USP42: variants seen among roughly 807,000 people sequenced by gnomAD.
The protein encoded by USP42 is ubiquitin specific peptidase 42.
In USP42, 23 loss-of-function variants were observed where a neutral mutation model predicts 113.0. The observed-to-expected ratio is 0.20, with a 90% CI of 0.15 to 0.29. The LOEUF is 0.29. Ranked by LOEUF, USP42 falls within the 10% of genes least tolerant of loss-of-function variation. USP42 has a pLI of 1.00. For missense variants in USP42, 2,174 were observed against 1,779.8 expected (o/e 1.22, Z -3.99); for synonymous variants, 933 against 699.0 (o/e 1.33, Z -5.28).
intron 7 of USP42, among the ~76,000 whole-genome samples, chr7:6,141,397 G>A (rs1394516641): frequency 6.6e-6 from 1 of 151,506 alleles, no homozygotes; most frequent in Non-Finnish European, 1.5e-5. Context: ...TAGAGATGGG[G>A]TTTCACCTAT....
chr7:6,118,387 C>T (rs1177935011), intron 3 of USP42, among the ~76,000 whole-genome samples: 9 of 151,934 alleles, frequency 5.9e-5, no homozygotes, highest in African/African-American at 9.7e-5. Flanking sequence ...CTGGGCTTGG[C>T]GGTGTGCGCC....
At chr7:6,155,655 C>T (rs565850290) in intron 15 of USP42, among the ~76,000 whole-genome samples, 4 of 152,322 alleles carry the variant, frequency 2.6e-5, no homozygotes, top group South Asian at 2.1e-4. Context: ...TTTTCCTGTG[C>T]CTGCCCGCCT....
rs1271762223 is a variant in USP42, at chr7:6,149,862, T to C, written c.1666T>C (p.Ser556Pro). The change falls in exon 13 of 18, where the codon TCT becomes CCT. Residue 556 changes from serine to proline, a missense_variant. By Grantham distance (74) the Ser-to-Pro change is moderately conservative. Coordinates refer to ENST00000306177, the MANE Select transcript of USP42 (RefSeq NM_032172.3). The stretch of plus-strand genomic sequence containing the variant: ...GAACCCTACCAAGCCCGTTCCCTCT[T>C]CTACCATTACCAATTCTGCAGTACA... ...LENPTKPVPS[S>P]TITNSAVQST... The C allele has an allele frequency of 1.2e-6, 2 of 1,614,042 alleles. No individual in the cohort carries two copies. The highest frequency in any genetic ancestry group is 4.5e-5 in the East Asian group (2 of 44,892).
intron 3 of USP42, chr7:6,116,662 G>C: frequency 2.3e-6 from 1 of 442,768 alleles, no homozygotes; most frequent in Non-Finnish European, 4.3e-6. Flanking sequence ...AGTAATGCTT[G>C]TAAAGAATTT....
intron 8 of USP42, 38 bp downstream of exon 8, chr7:6,143,052 C>T (rs765712996): frequency 1.2e-6 from 2 of 1,605,094 alleles, no homozygotes. Context: ...ATGCCGGCTT[C>T]TCCAGTGGGG....
chr7:6,107,854 A>C (rs1779378067), intron 1 of USP42, among the ~76,000 whole-genome samples: 2 of 152,256 alleles, frequency 1.3e-5, no homozygotes, highest in Middle Eastern at 3.4e-3. Context: ...GCTACCTTTG[A>C]TTGATTTAAA....
At chr7:6,089,559 G>T in the USP42 span, among the ~76,000 whole-genome samples, 1,605 of 145,516 alleles carry the variant, frequency 0.011, 25 homozygotes, top group Non-Finnish European at 0.016. Context: ...TTGAGATGGA[G>T]TCTCACCCTG....
intron 1 of USP42, among the ~76,000 whole-genome samples, chr7:6,106,166 A>G (rs952119956): frequency 2.6e-5 from 4 of 152,224 alleles, no homozygotes; most frequent in Non-Finnish European, 4.4e-5. Flanking sequence ...CTTTGAATCA[A>G]GTCTACAGTA....
chr7:6,143,375 G>A (rs546803136), intron 8 of USP42, among the ~76,000 whole-genome samples: 27 of 152,296 alleles, frequency 1.8e-4, no homozygotes, highest in African/African-American at 5.8e-4. Flanking sequence ...GAGGGCTGCC[G>A]TCGGGTGGGG....
rs200528323 is a variant in USP42 at position 6,154,403 on chromosome 7, G to A, written c.2849G>A (p.Arg950Gln). The change falls in exon 15 of 18, where the codon CGA becomes CAA. Residue 950 changes from arginine to glutamine, a missense_variant. Coordinates refer to ENST00000306177, the MANE Select transcript of USP42 (RefSeq NM_032172.3). The stretch of plus-strand genomic sequence containing the variant: ...ATCGGCAGCCTCAGAAAGGTGGACC[G>A]AGGCCACTACCGCAGCCGGAGAGAG... ...EKIGSLRKVD[R>Q]GHYRSRRERS... The A allele has an allele frequency of 7.8e-4, 1,234 of 1,577,034 alleles. No individual in the cohort carries two copies. Among genetic ancestry groups the A allele is most frequent in the Non-Finnish European group, 1.0e-3 (1,182 of 1,163,204 alleles).
upstream of USP42, among the ~76,000 whole-genome samples, chr7:6,100,164 T>C (rs1790076411): frequency 6.7e-6 from 1 of 149,240 alleles, no homozygotes; most frequent in African/African-American, 2.6e-5. Context: ...AATTTCACAG[T>C]TCTAATGACT....
the USP42 span, among the ~76,000 whole-genome samples, chr7:6,097,995 C>T: frequency 7.0e-6 from 1 of 143,528 alleles, no homozygotes. Context: ...AACTTCAACT[C>T]CCTGGTTTAA....
upstream of USP42, among the ~76,000 whole-genome samples, chr7:6,104,570 G>A (rs1021223779): frequency 1.2e-4 from 18 of 152,240 alleles, no homozygotes; most frequent in African/African-American, 4.1e-4. Context: ...CTGGGGTCAA[G>A]CGCAGGACGA....
Position 6,159,585 on chromosome 7 carries a change from G to A in USP42, c.*36+92G>A. 7.4e-7 allele frequency: 1 copy of A among 1,351,692 alleles called. No individual in the cohort carries two copies. The highest frequency in any genetic ancestry group is 1.0e-6 in the Non-Finnish European group (1 of 964,210). 83.7% of individuals were successfully genotyped at this position (1,351,692 alleles called of 1,614,324 possible). A position where few individuals can be genotyped will look rare whatever the true frequency, so the allele number is the denominator to read the frequency against. ...TTTTAATTCTGCGGCTCTGCCTGGG[G>A]GCTGGGCTCATAGGAGTTGGCAGAG... On this transcript the variant is annotated intron_variant, in intron 17 of 17. Transcript: ENST00000306177. The surrounding 1 kb of genome is among the most constrained non-coding windows in gnomAD (Gnocchi z 4.1).
the USP42 span, among the ~76,000 whole-genome samples, chr7:6,083,418 G>C: frequency 2.7e-5 from 4 of 149,794 alleles, no homozygotes; most frequent in Non-Finnish European, 4.4e-5. Context: ...ACCATGCCCA[G>C]CTAATTTTTG....
intron 3 of USP42, among the ~76,000 whole-genome samples, chr7:6,119,123 G>A (rs1780073511): frequency 6.6e-6 from 1 of 152,034 alleles, no homozygotes; most frequent in Non-Finnish European, 1.5e-5. Flanking sequence ...GCTGAGGCAG[G>A]AGGATTGCTT....
In USP42 at chr7:6,158,013, G is replaced by A. The variant is rs576628727; in HGVS notation, c.3943+958G>A. ...TCACTCGAGTCAGTGGACCTAGAGC[G>A]GAGGCTGGCAAACTGCAGCCCTGGG... On this transcript the variant is annotated intron_variant, in intron 16 of 17. Transcript: ENST00000306177. The surrounding 1 kb of genome is among the most constrained non-coding windows in gnomAD (Gnocchi z 4.2). 2.6e-5 allele frequency among the ~76,000 whole-genome samples: 4 copies of A among 152,356 alleles called. No homozygotes were observed. The highest frequency in any genetic ancestry group is 1.9e-4 in the East Asian group (1 of 5,192).
chr7:6,127,376 G>T (rs1780598894), intron 3 of USP42, among the ~76,000 whole-genome samples: 1 of 151,758 alleles, frequency 6.6e-6, no homozygotes, highest in Non-Finnish European at 1.5e-5. Flanking sequence ...TGATCCTGCA[G>T]ATTTTTTCCT....
chr7:6,156,732 A>G, intron 15 of USP42, 22 bp from the exon 16 acceptor site: 7 of 1,519,438 alleles, frequency 4.6e-6, no homozygotes, highest in Non-Finnish European at 4.4e-6. Context: ...AGGGTTTTGA[A>G]TTCTGGCTTT....
Sources: allele counts gnomAD v4.1 joint callset (sites outside exome capture counted in the v4.1 genomes callset), GRCh38; gene constraint gnomAD v4.1.1; non-coding constraint Gnocchi (gnomAD v3.1); transcripts MANE v1.5; gene names NCBI Gene and HGNC (gene_info 2026-07-23, HGNC 2026-07-21).